The following PROS1 variants were observed in gnomAD, a reference collection of about 807,000 sequenced individuals.
PROS1 encodes vitamin K-dependent protein S.
PROS1 carries 29 observed loss-of-function variants against 75.9 expected under a neutral mutation model. The observed-to-expected ratio is 0.38, with a 90% CI of 0.28 to 0.52. The LOEUF (loss-of-function observed/expected upper bound fraction) is 0.52, where lower values mean the gene tolerates loss of function less well. PROS1 is among the 20% of genes least tolerant of loss of function. The pLI is 0.83. For missense variants in PROS1, 680 were observed against 810.3 expected (o/e 0.84, Z 1.95); for synonymous variants, 245 against 280.6 (o/e 0.87, Z 1.27).
intron 12 of PROS1, among the ~76,000 whole-genome samples, chr3:93,880,025 T>C (rs1215875590): frequency 6.6e-6 from 1 of 152,206 alleles, no homozygotes; most frequent in East Asian, 1.9e-4. Context: ...ACTAAAAATA[T>C]TAGTTCATAA....
intron 10 of PROS1, 102 bp from the exon 11 acceptor site, chr3:93,886,605 T>C (rs1553809341): frequency 5.8e-6 from 5 of 856,620 alleles, no homozygotes; most frequent in Admixed American, 2.2e-5. Context: ...AAAATACTTC[T>C]GTAAAGTAAT....
intron 11 of PROS1, among the ~76,000 whole-genome samples, chr3:93,885,966 T>C (rs1708339874): frequency 6.6e-6 from 1 of 152,198 alleles, no homozygotes; most frequent in Non-Finnish European, 1.5e-5. Flanking sequence ...GGTGTAATTT[T>C]GGACTTAAAT....
chr3:93,898,403 C>T, intron 8 of PROS1, 45 bp downstream of exon 8: 2 of 1,604,546 alleles, frequency 1.2e-6, no homozygotes, highest in Non-Finnish European at 1.7e-6. Flanking sequence ...TAGGATCTCT[C>T]ATTTTAGAAA....
chr3:93,920,666 A>G (rs1708933914), intron 3 of PROS1, among the ~76,000 whole-genome samples: 1 of 152,134 alleles, frequency 6.6e-6, no homozygotes, highest in Admixed American at 6.6e-5. Flanking sequence ...ATTGCATTGA[A>G]TGTAACCTCC....
intron 6 of PROS1, among the ~76,000 whole-genome samples, chr3:93,902,728 C>A (rs563047446): frequency 2.5e-4 from 37 of 150,032 alleles, no homozygotes; most frequent in Non-Finnish European, 5.0e-4. Context: ...CCAGCCTGGG[C>A]ATCATAGCGA....
chr3:93,897,963 G>A (rs1196695734), intron 8 of PROS1, among the ~76,000 whole-genome samples: 1 of 151,992 alleles, frequency 6.6e-6, no homozygotes, highest in Non-Finnish European at 1.5e-5. Context: ...CCTAGAAATG[G>A]TTAAAAGGGT....
chr3:93,892,748 C>T (rs186202450), intron 10 of PROS1, among the ~76,000 whole-genome samples, 185 bp downstream of exon 10: 2 of 152,138 alleles, frequency 1.3e-5, no homozygotes, highest in Admixed American at 6.5e-5. Context: ...AACAATGATT[C>T]TAATATATTA....
At chr3:93,960,919 A>G (rs1228223385) in intron 1 of PROS1, among the ~76,000 whole-genome samples, 1 of 152,030 alleles carries the variant, frequency 6.6e-6, no homozygotes, top group Non-Finnish European at 1.5e-5. Context: ...TAAAATAACC[A>G]ATAAAACAAA....
At position 93,889,993 on chromosome 3, in the gene PROS1, T is replaced by C. The variant is rs552050411; in HGVS notation, c.1155+2940A>G. Among the ~76,000 whole-genome samples the C allele has an allele frequency of 5.9e-5, 9 of 152,270 alleles. 1 individual carries two copies. In the South Asian group the frequency reaches 1.9e-3, roughly 32 times the overall value. ...CTTGCAGAGAGCCTACAAACGGACCTGCAAGTAGGGAAGATATTGCTAAAT... is the reference window on the plus strand; with the variant it reads ...CTTGCAGAGAGCCTACAAACGGACCCGCAAGTAGGGAAGATATTGCTAAAT... On this transcript the variant is annotated intron_variant, in intron 10 of 14. Coordinates refer to ENST00000394236, the MANE Select transcript of PROS1 (RefSeq NM_000313.4).
At chr3:93,908,786 C>G (rs1161265584) in intron 4 of PROS1, among the ~76,000 whole-genome samples, 2 of 152,164 alleles carry the variant, frequency 1.3e-5, no homozygotes, top group Non-Finnish European at 2.9e-5. Flanking sequence ...AATCAAACCT[C>G]AAAAGATTTG....
At chr3:93,918,744 T>G (rs1708898663) in intron 3 of PROS1, among the ~76,000 whole-genome samples, 1 of 152,080 alleles carries the variant, frequency 6.6e-6, no homozygotes, top group African/African-American at 2.4e-5. Flanking sequence ...TGGGGTTTCA[T>G]CATGCTGGTC....
chr3:93,896,609 A>G lies in PROS1; in HGVS notation c.932T>C (p.Leu311Ser), dbSNP rs781355040. 1.1e-5 allele frequency: 17 copies of G among 1,613,644 alleles called. No homozygotes were observed. In the South Asian group the frequency reaches 1.4e-4, roughly 14 times the overall value. ...TTCTGGCAAACGAAATTTTAAATATAAAACAACCCCTGCAAACTGCTCCGC... is the reference window on the plus strand; with the variant it reads ...TTCTGGCAAACGAAATTTTAAATATGAAACAACCCCTGCAAACTGCTCCGC... ...YLAEQFAGVV[L>S]YLKFRLPEIS... Residue 311 changes from leucine (L) to serine (S), a missense_variant, in exon 9 of 15, where the codon TTA becomes TCA. By Grantham distance (145) the Leu-to-Ser change is moderately radical (BLOSUM62 -2). Transcript: ENST00000394236.
At chr3:93,940,464 G>A (rs1034813650) in intron 1 of PROS1, among the ~76,000 whole-genome samples, 4 of 152,042 alleles carry the variant, frequency 2.6e-5, no homozygotes, top group African/African-American at 7.3e-5. Context: ...GGGTACTGAC[G>A]TCTGGGCTTC....
chr3:93,879,044 C>T (rs1576172974), intron 13 of PROS1, 119 bp downstream of exon 13: 3 of 1,063,602 alleles, frequency 2.8e-6, no homozygotes, highest in Non-Finnish European at 4.1e-6. Flanking sequence ...GTGCCAAACA[C>T]TTTACATAAG....
intron 10 of PROS1, among the ~76,000 whole-genome samples, chr3:93,887,067 C>T (rs1433527179): frequency 5.9e-5 from 9 of 151,658 alleles, no homozygotes; most frequent in South Asian, 2.1e-4. Context: ...TACAGGCGCC[C>T]GCCACTGCGC....
intron 14 of PROS1, 32 bp from the exon 15 acceptor site, chr3:93,874,437 A>G (rs1708154040): frequency 6.2e-7 from 1 of 1,611,482 alleles, no homozygotes; most frequent in South Asian, 1.1e-5. Flanking sequence ...ATATTAGTCC[A>G]AGACTTTTAG....
intron 10 of PROS1, among the ~76,000 whole-genome samples, chr3:93,889,905 G>T (rs1708405682): frequency 6.6e-6 from 1 of 152,124 alleles, no homozygotes; most frequent in African/African-American, 2.4e-5. Context: ...TAGGGAACAA[G>T]GGAAGACAAC....
intron 12 of PROS1, among the ~76,000 whole-genome samples, chr3:93,881,507 ACCT>A (rs1010522502): frequency 6.6e-6 from 1 of 150,868 alleles, no homozygotes; most frequent in Non-Finnish European, 1.5e-5. Context: ...CTGCACTTGT[ACCT>A]CCTAATTACA....
intron 3 of PROS1, among the ~76,000 whole-genome samples, chr3:93,921,737 A>G (rs1187302261): frequency 6.6e-6 from 1 of 152,022 alleles, no homozygotes; most frequent in Non-Finnish European, 1.5e-5. Context: ...TTCCCTTTCT[A>G]TCTTGTACTC....
Sources: gnomAD v4.1 joint callset for allele counts (sites outside exome capture counted in the v4.1 genomes callset) on GRCh38, gnomAD v4.1.1 for gene constraint, MANE v1.5 for transcripts, NCBI Gene and HGNC (gene_info 2026-07-23, HGNC 2026-07-21) for gene names.